KLB: variants seen among roughly 807,000 people sequenced by gnomAD.
KLB encodes the protein beta-klotho.
KLB carries 44 observed loss-of-function variants against 88.4 expected under a neutral mutation model. That is an observed-to-expected ratio of 0.50 (90% CI 0.39 to 0.64). KLB has a LOEUF of 0.64. Ranked by LOEUF, KLB falls within the 30% of genes least tolerant of loss-of-function variation. KLB has a pLI of 0.00. For missense variants in KLB, 1,137 were observed against 1,304.8 expected (o/e 0.87, Z 1.98); for synonymous variants, 548 against 513.4 (o/e 1.07, Z -0.91).
intron 1 of KLB, among the ~76,000 whole-genome samples, chr4:39,412,148 T>C (rs1057302796): frequency 1.3e-5 from 2 of 151,982 alleles, no homozygotes; most frequent in African/African-American, 4.8e-5. Context: ...CACTAAAATC[T>C]CAGACTTCAC....
chr4:39,436,690 G>T (rs373951592), intron 2 of KLB, among the ~76,000 whole-genome samples: 65 of 151,868 alleles, frequency 4.3e-4, no homozygotes, highest in African/African-American at 1.4e-3. Context: ...TTGGACTGCT[G>T]TTGATTTTCT....
At chr4:39,408,090 T>C (rs1171988122) in intron 1 of KLB, among the ~76,000 whole-genome samples, 1 of 152,198 alleles carries the variant, frequency 6.6e-6, no homozygotes, top group Non-Finnish European at 1.5e-5. Context: ...AATTTAATTG[T>C]TGGAACCCTT....
intron 1 of KLB, among the ~76,000 whole-genome samples, chr4:39,432,576 A>G (rs1743387608): frequency 6.6e-6 from 1 of 152,060 alleles, no homozygotes; most frequent in Non-Finnish European, 1.5e-5. Flanking sequence ...TCTCTTTCAC[A>G]TGCTGCATCC....
intron 1 of KLB, among the ~76,000 whole-genome samples, chr4:39,418,957 A>AG (rs1396995997): frequency 6.6e-6 from 1 of 150,770 alleles, no homozygotes; most frequent in Non-Finnish European, 1.5e-5. Context: ...AAAAAAAAAA[A>AG]AAAAGAAAAA....
At position 39,429,026 on chromosome 4, in the gene KLB, G is replaced by A. The variant is rs140755984; in HGVS notation, c.826-5184G>A. On this transcript the variant is annotated intron_variant, in intron 1 of 4. Coordinates refer to ENST00000257408, the MANE Select transcript of KLB (RefSeq NM_175737.4). The stretch of plus-strand genomic sequence containing the variant: ...ACCCGGTCTTAAAGTGATTTTAGCT[G>A]GGAAATATGTTTGGAAAGCCTGGGT... Among the ~76,000 whole-genome samples the A allele has an allele frequency of 2.6e-5, 4 of 152,258 alleles. No individual in the cohort carries two copies. In the East Asian group the frequency reaches 7.7e-4, roughly 29 times the overall value.
At chr4:39,430,535 C>G (rs561105209) in intron 1 of KLB, among the ~76,000 whole-genome samples, 4 of 150,986 alleles carry the variant, frequency 2.6e-5, no homozygotes, top group Non-Finnish European at 5.9e-5. Flanking sequence ...CCAGAAGTTG[C>G]AATCTCAGGT....
At chr4:39,436,344 C>A (rs1743472644) in intron 2 of KLB, among the ~76,000 whole-genome samples, 1 of 152,164 alleles carries the variant, frequency 6.6e-6, no homozygotes, top group Non-Finnish European at 1.5e-5. Flanking sequence ...CCGAGCCACG[C>A]CCAGCTACGG....
chr4:39,450,939 CTTTG>C lies in KLB; in HGVS notation c.*2257_*2260del, dbSNP rs1320827145. 3 of 151,798 alleles carry C rather than the reference CTTTG, an allele frequency of 2.0e-5. No individual in the cohort carries two copies. Among genetic ancestry groups the C allele is most frequent in the Admixed American group, 2.0e-4 (3 of 15,234 alleles). 9.4% of individuals were successfully genotyped at this position (151,798 alleles called of 1,614,324 possible). ...TTCAGGTTTTGCTTTCTCTTTCTCACTTTGTTTAAAGTATCTCGTACTCACAGTT... is the reference window on the plus strand; with the variant it reads ...TTCAGGTTTTGCTTTCTCTTTCTCACTTTAAAGTATCTCGTACTCACAGTT... On this transcript the variant is annotated 3_prime_UTR_variant, in exon 5 of 5. Transcript: ENST00000257408.
Position 39,418,956 on chromosome 4 carries a change from A to G in KLB, c.825+11182A>G, listed in dbSNP as rs1042760057. ...AAGATGCCATCTCTAAAAAAAAAAA[A>G]AAAAAGAAAAAAGAAATACTGACCA... On this transcript the variant is annotated intron_variant, in intron 1 of 4. Transcript: ENST00000257408. Among the ~76,000 whole-genome samples, 15 of 150,872 alleles carry G rather than the reference A, an allele frequency of 9.9e-5. No individual in the cohort carries two copies. In the East Asian group the frequency reaches 2.7e-3, roughly 27 times the overall value.
At chr4:39,408,181 C>T (rs1230457972) in intron 1 of KLB, among the ~76,000 whole-genome samples, 1 of 152,132 alleles carries the variant, frequency 6.6e-6, no homozygotes, top group East Asian at 1.9e-4. Flanking sequence ...GTATAGCTAA[C>T]TTAGCTAATA....
At chr4:39,437,699 A>C (rs2109838830) in intron 2 of KLB, 28 bp from the exon 3 acceptor site, 1 of 1,581,568 alleles carries the variant, frequency 6.3e-7, no homozygotes, top group South Asian at 1.2e-5. Context: ...AGGCCTCTGA[A>C]CATCTCTGCT....
intron 1 of KLB, among the ~76,000 whole-genome samples, chr4:39,419,755 G>A (rs1381638935): frequency 8.2e-5 from 11 of 133,400 alleles, no homozygotes; most frequent in Middle Eastern, 4.7e-3. Context: ...CAGTCTGGGC[G>A]ACAGAGCAAT....
At chr4:39,432,453 T>C (rs1335921251) in intron 1 of KLB, among the ~76,000 whole-genome samples, 3 of 152,174 alleles carry the variant, frequency 2.0e-5, no homozygotes, top group Non-Finnish European at 4.4e-5. Flanking sequence ...TTAAGTGGCA[T>C]GGAGTCCTTA....
In KLB at chr4:39,446,218, T is replaced by C. The variant is rs1230419586; in HGVS notation, c.1606-114T>C. 1.8e-5 allele frequency: 16 copies of C among 881,750 alleles called. No homozygotes were observed. The highest frequency in any genetic ancestry group is 2.7e-5 in the Non-Finnish European group (16 of 584,876). 54.6% of individuals were successfully genotyped at this position (881,750 alleles called of 1,614,324 possible). Reference sequence around the variant, plus strand: ...CCTTGGGAGATTTCAAGGGCTGGAATAGGCCTGGCGTGGTGGCCTGTAATC... The same window carrying C: ...CCTTGGGAGATTTCAAGGGCTGGAACAGGCCTGGCGTGGTGGCCTGTAATC... On this transcript the variant is annotated intron_variant, in intron 3 of 4. Coordinates refer to ENST00000257408, the MANE Select transcript of KLB (RefSeq NM_175737.4). This position sits in a 1 kb window ranked among gnomAD's most constrained non-coding sequence, Gnocchi z 6.4.
intron 1 of KLB, among the ~76,000 whole-genome samples, chr4:39,428,906 C>T (rs970798471): frequency 6.6e-6 from 1 of 152,106 alleles, no homozygotes; most frequent in African/African-American, 2.4e-5. Context: ...CAGGGTCCCA[C>T]CATGTTGGCC....
chr4:39,447,699 A>T (rs537092226), intron 4 of KLB, among the ~76,000 whole-genome samples: 47 of 152,370 alleles, frequency 3.1e-4, no homozygotes, highest in African/African-American at 1.1e-3. Context: ...CACGTGGAGA[A>T]GTTTTTAAAA....
chr4:39,430,459 G>C (rs1743322209), intron 1 of KLB, among the ~76,000 whole-genome samples: 1 of 148,674 alleles, frequency 6.7e-6, no homozygotes, highest in African/African-American at 2.5e-5. Context: ...TCTAGCCCCA[G>C]AAAAACCCGG....
At chr4:39,425,668 C>T (rs1180514093) in intron 1 of KLB, among the ~76,000 whole-genome samples, 1 of 152,140 alleles carries the variant, frequency 6.6e-6, no homozygotes, top group Non-Finnish European at 1.5e-5. Flanking sequence ...CTTAAAACTC[C>T]TGGGCTCAAG....
chr4:39,407,295 A>C lies in KLB; in HGVS notation c.346A>C (p.Thr116Pro). ...TTCTATATGGGATCATTTCATCCACACACACCTTAAAAATGTCAGCAGCAC... is the reference window on the plus strand; with the variant it reads ...TTCTATATGGGATCATTTCATCCACCCACACCTTAAAAATGTCAGCAGCAC... ...GPSIWDHFIH[T>P]HLKNVSSTNG... Residue 116 changes from threonine (T) to proline (P), a missense_variant, in exon 1 of 5, where the codon ACA (threonine) becomes CCA (proline). By Grantham distance (38) the Thr-to-Pro change is conservative. Around this residue, in one of 4 missense-constraint regions of KLB, gnomAD observed 597 missense variants for 765.2 expected, o/e 0.78. Transcript: ENST00000257408. The C allele has an allele frequency of 6.2e-7, 1 of 1,614,158 alleles. No individual in the cohort carries two copies. Among genetic ancestry groups the C allele is most frequent in the Non-Finnish European group, 8.5e-7 (1 of 1,179,986 alleles).
Sources: allele counts gnomAD v4.1 joint callset (sites outside exome capture counted in the v4.1 genomes callset), GRCh38; gene constraint gnomAD v4.1.1; regional missense constraint gnomAD v4.1.1; non-coding constraint Gnocchi (gnomAD v3.1); transcripts MANE v1.5; gene names NCBI Gene and HGNC (gene_info 2026-07-23, HGNC 2026-07-21).